Variants in SLC35D4 observed in about 807,000 individuals in gnomAD.
SLC35D4 encodes the protein solute carrier family 35 member D4.
At chr18:23,341,530 C>T in the SLC35D4 span, among the ~76,000 whole-genome samples, 1 of 152,214 alleles carries the variant, frequency 6.6e-6, no homozygotes, top group Non-Finnish European at 1.5e-5. Context: ...GCCCGATTCT[C>T]CTCTGGCACC....
the SLC35D4 span, among the ~76,000 whole-genome samples, chr18:23,318,316 A>T: frequency 1.3e-5 from 2 of 152,192 alleles, no homozygotes; most frequent in Non-Finnish European, 2.9e-5. Context: ...ACAGTTCTTT[A>T]TATGTTGTAG....
the SLC35D4 span, among the ~76,000 whole-genome samples, chr18:23,334,137 A>C: frequency 6.6e-6 from 1 of 152,136 alleles, no homozygotes; most frequent in African/African-American, 2.4e-5. Flanking sequence ...TGGGCATTTG[A>C]TATATCAAAT....
At chr18:23,264,747 G>A in the SLC35D4 span, among the ~76,000 whole-genome samples, 2 of 151,652 alleles carry the variant, frequency 1.3e-5, no homozygotes, top group Non-Finnish European at 2.9e-5. Context: ...AGGCTCAATC[G>A]ACTCTCCCAC....
At chr18:23,372,073 C>T in the SLC35D4 span, among the ~76,000 whole-genome samples, 1 of 145,870 alleles carries the variant, frequency 6.9e-6, no homozygotes, top group Non-Finnish European at 1.5e-5. Flanking sequence ...GTAGCTGGGA[C>T]TACAGGCGCC....
chr18:23,403,229 C>T, the SLC35D4 span, among the ~76,000 whole-genome samples: 3 of 152,198 alleles, frequency 2.0e-5, no homozygotes, highest in Non-Finnish European at 4.4e-5. Flanking sequence ...TCCTCCACCC[C>T]TCAAATACAC....
At chr18:23,344,829 T>C in the SLC35D4 span, among the ~76,000 whole-genome samples, 8 of 152,230 alleles carry the variant, frequency 5.3e-5, no homozygotes, top group Middle Eastern at 3.4e-3. Context: ...CTTCATCTCC[T>C]CACCTCATGA....
chr18:23,421,326 G>C, the SLC35D4 span: 1 of 1,502,984 alleles, frequency 6.7e-7, no homozygotes, highest in South Asian at 1.1e-5. Context: ...AAAGCAAGCA[G>C]AGTGTGAATC....
the SLC35D4 span, among the ~76,000 whole-genome samples, chr18:23,252,503 C>T: frequency 3.3e-5 from 5 of 152,206 alleles, no homozygotes; most frequent in Non-Finnish European, 4.4e-5. Context: ...GAAGTAGGCA[C>T]TGTTACTGTT....
the SLC35D4 span, among the ~76,000 whole-genome samples, chr18:23,389,525 T>C: frequency 5.3e-5 from 8 of 152,176 alleles, no homozygotes; most frequent in African/African-American, 1.9e-4. Flanking sequence ...TAGGGCTCTA[T>C]TAAAAACAAT....
the SLC35D4 span, among the ~76,000 whole-genome samples, chr18:23,361,121 A>AAAG: frequency 3.4e-5 from 5 of 145,154 alleles, no homozygotes; most frequent in Middle Eastern, 3.4e-3. Context: ...AAAAAAAAAA[A>AAAG]AAAAGAAAAA....
the SLC35D4 span, among the ~76,000 whole-genome samples, chr18:23,358,411 G>A: frequency 1.2e-4 from 19 of 152,010 alleles, no homozygotes; most frequent in South Asian, 3.1e-3. Flanking sequence ...AAGAGCAGAA[G>A]TGTGGTCAGA....
chr18:23,293,201 G>A, the SLC35D4 span, among the ~76,000 whole-genome samples: 4 of 152,238 alleles, frequency 2.6e-5, 1 homozygote, highest in South Asian at 4.1e-4. Context: ...CCGAGATCGC[G>A]CCATTGCACT....
At chr18:23,401,222 G>A in the SLC35D4 span, among the ~76,000 whole-genome samples, 1 of 152,176 alleles carries the variant, frequency 6.6e-6, no homozygotes. Context: ...GAGAAGAGCT[G>A]GTAAATGGCA....
At chr18:23,268,398 G>A in the SLC35D4 span, among the ~76,000 whole-genome samples, 7 of 152,218 alleles carry the variant, frequency 4.6e-5, 1 homozygote, top group Middle Eastern at 0.01. Flanking sequence ...GTCAAAGTGC[G>A]GTCTTAGTAG....
chr18:23,380,443 C>G, the SLC35D4 span, among the ~76,000 whole-genome samples: 8 of 152,110 alleles, frequency 5.3e-5, no homozygotes. Flanking sequence ...CCCTTCCCAT[C>G]CTGCCTGACT....
At chr18:23,359,913 T>C in the SLC35D4 span, among the ~76,000 whole-genome samples, 1 of 152,178 alleles carries the variant, frequency 6.6e-6, no homozygotes, top group African/African-American at 2.4e-5. Flanking sequence ...GTGATCCTCT[T>C]CTCAAGGAAG....
At chr18:23,273,720 A>G in the SLC35D4 span, among the ~76,000 whole-genome samples, 1 of 152,180 alleles carries the variant, frequency 6.6e-6, no homozygotes, top group East Asian at 1.9e-4. Context: ...TCACGGTCAC[A>G]TTCCATTTAC....
At chr18:23,423,986 G>T in the SLC35D4 span, among the ~76,000 whole-genome samples, 1 of 152,172 alleles carries the variant, frequency 6.6e-6, no homozygotes, top group Non-Finnish European at 1.5e-5. Context: ...AGGGTTCCAG[G>T]CATGGGAGTG....
At chr18:23,332,192 G>A in the SLC35D4 span, among the ~76,000 whole-genome samples, 1 of 151,804 alleles carries the variant, frequency 6.6e-6, no homozygotes, top group African/African-American at 2.4e-5. Context: ...ACCACACTTG[G>A]CCTTGAACAT....
Sources: gnomAD v4.1 joint callset for allele counts (sites outside exome capture counted in the v4.1 genomes callset) on GRCh38, gnomAD v4.1.1 for gene constraint, MANE v1.5 for transcripts, NCBI Gene and HGNC (gene_info 2026-07-23, HGNC 2026-07-21) for gene names.